The following TMEM45A variants were observed in gnomAD, a reference collection of about 807,000 sequenced individuals.
TMEM45A encodes transmembrane protein 45A, also known as DNA polymerase-transactivated protein 4.
In TMEM45A, 25 loss-of-function variants were observed where a neutral mutation model predicts 32.0. The observed-to-expected ratio is 0.78, with a 90% CI of 0.57 to 1.09. The LOEUF (loss-of-function observed/expected upper bound fraction) is 1.09. Among genes scored for constraint, TMEM45A ranks in the 50% least tolerant of loss-of-function variants. The probability of loss-of-function intolerance (pLI) is 0.00; values close to 1 mark genes in which losing one functional copy is unlikely to be tolerated. For synonymous variants in TMEM45A, 122 were observed against 114.8 expected, an observed-to-expected ratio of 1.06 and a Z score of -0.40; for missense variants, 302 against 325.0, an observed-to-expected ratio of 0.93 and a Z score of 0.54.
intron 1 of TMEM45A, among the ~76,000 whole-genome samples, chr3:100,551,829 GGAGTTGTATA>G (rs1304044735): frequency 2.6e-5 from 4 of 152,190 alleles, no homozygotes; most frequent in African/African-American, 9.7e-5. Context: ...TGAAGACACA[GGAGTTGTATA>G]ACTGAAGTAG....
intron 5 of TMEM45A, among the ~76,000 whole-genome samples, chr3:100,569,609 A>C (rs1053466206): frequency 1.3e-5 from 2 of 152,154 alleles, no homozygotes; most frequent in African/African-American, 4.8e-5. Context: ...TTGTTTGTAA[A>C]ATGGGGAAAT....
At chr3:100,575,425 T>A (rs1706663496) in intron 5 of TMEM45A, among the ~76,000 whole-genome samples, 1 of 132,638 alleles carries the variant, frequency 7.5e-6, no homozygotes, top group Non-Finnish European at 1.5e-5. Flanking sequence ...CAGGCTGGAG[T>A]GCAGTGGCGT....
intron 1 of TMEM45A, among the ~76,000 whole-genome samples, chr3:100,538,569 T>C (rs1475138345): frequency 1.3e-5 from 2 of 152,120 alleles, no homozygotes; most frequent in Non-Finnish European, 2.9e-5. Flanking sequence ...AATGCAGTAA[T>C]ATGATAAAAG....
In TMEM45A at chr3:100,500,544, T is replaced by G. The variant is rs138414280; in HGVS notation, c.-4+7616T>G. ...TCTGTGAGCCATCAGATTGACTGTT[T>G]CCAGTCTCGTCTGACTTTCAATGTC... On this transcript the variant is annotated intron_variant, in intron 1 of 5. Transcript: ENST00000323523. Among the ~76,000 whole-genome samples, 18 of 152,328 alleles carry G rather than the reference T, an allele frequency of 1.2e-4. No homozygotes were observed. In the East Asian group the frequency reaches 3.5e-3, roughly 29 times the overall value.
At position 100,577,065 on chromosome 3, in the gene TMEM45A, A is replaced by ATTGTCG; in HGVS notation, c.*51_*52insCGTTGT. The ATTGTCG allele has an allele frequency of 6.7e-7, 1 of 1,481,548 alleles. No individual in the cohort carries two copies. 91.8% of individuals were successfully genotyped at this position (1,481,548 alleles called of 1,614,324 possible). ...TCTAGATAAACCTTTTCTTTTTTACATTGTTCTTGGTTTTGTTTCTCGATC... is the reference window on the plus strand; with the variant it reads ...TCTAGATAAACCTTTTCTTTTTTACATTGTCGTTGTTCTTGGTTTTGTTTCTCGATC... On this transcript the variant is annotated 3_prime_UTR_variant, in exon 6 of 6. Coordinates refer to ENST00000323523, the MANE Select transcript of TMEM45A (RefSeq NM_018004.3).
rs768800338 is a variant in TMEM45A, at chr3:100,550,195, T to TAAAA, written c.-3-5005_-3-5002dup. ...ATGTACCCTAAAACTTAAAGCATAA[T>TAAAA]AAAAAAAAAAAAGAAAAAAAAATAA... On this transcript the variant is annotated intron_variant, in intron 1 of 5. Transcript: ENST00000323523. 4.9e-3 allele frequency among the ~76,000 whole-genome samples: 658 copies of TAAAA among 133,380 alleles called. 5 individuals are homozygous for TAAAA. Among genetic ancestry groups the TAAAA allele is most frequent in the African/African-American group, 0.017 (633 of 37,266 alleles). The allele number at this position is 133,380 out of a possible 152,430, so 87.5% of individuals were successfully genotyped here. A position where few individuals can be genotyped will look rare whatever the true frequency, so the allele number is the denominator to read the frequency against.
chr3:100,569,453 A>G (rs1392798107), intron 5 of TMEM45A, among the ~76,000 whole-genome samples: 1 of 152,198 alleles, frequency 6.6e-6, no homozygotes, highest in African/African-American at 2.4e-5. Flanking sequence ...AGTTGAATAC[A>G]TTTTTTATAA....
At chr3:100,566,661 T>C (rs1351954510) in intron 4 of TMEM45A, among the ~76,000 whole-genome samples, 1 of 152,132 alleles carries the variant, frequency 6.6e-6, no homozygotes, top group Admixed American at 6.5e-5. Flanking sequence ...CTCACCAATA[T>C]TTGTTATTTT....
At chr3:100,545,958 C>A (rs573089017) in intron 1 of TMEM45A, among the ~76,000 whole-genome samples, 1 of 152,288 alleles carries the variant, frequency 6.6e-6, no homozygotes, top group Admixed American at 6.5e-5. Flanking sequence ...AAGAGATTAT[C>A]CTGGATTATT....
intron 4 of TMEM45A, among the ~76,000 whole-genome samples, chr3:100,561,417 G>C (rs1395799895): frequency 6.6e-6 from 1 of 152,104 alleles, no homozygotes; most frequent in Non-Finnish European, 1.5e-5. Context: ...CGTAAGTATG[G>C]AGATGTGAAT....
intron 5 of TMEM45A, among the ~76,000 whole-genome samples, chr3:100,576,111 G>A (rs909379598): frequency 4.0e-5 from 6 of 151,860 alleles, no homozygotes; most frequent in Non-Finnish European, 5.9e-5. Flanking sequence ...TCAGGAGTTC[G>A]AGACCATCCT....
chr3:100,520,682 C>T (rs9817534), intron 1 of TMEM45A, among the ~76,000 whole-genome samples: 2,177 of 152,238 alleles, frequency 0.014, 47 homozygotes, highest in African/African-American at 0.05. Context: ...CTAGTCTTTT[C>T]CCTGCTTTCT....
At chr3:100,522,471 C>T (rs1705454909) in intron 1 of TMEM45A, among the ~76,000 whole-genome samples, 1 of 152,216 alleles carries the variant, frequency 6.6e-6, no homozygotes. Context: ...CTCGGACTCA[C>T]ATTTGAGAGA....
chr3:100,565,499 G>A (rs1706412699), intron 4 of TMEM45A, among the ~76,000 whole-genome samples: 1 of 151,772 alleles, frequency 6.6e-6, no homozygotes, highest in Non-Finnish European at 1.5e-5. Context: ...TCATTTATTA[G>A]ACGTGTAATC....
At chr3:100,497,969 T>G (rs1707954483) in intron 1 of TMEM45A, among the ~76,000 whole-genome samples, 1 of 152,214 alleles carries the variant, frequency 6.6e-6, no homozygotes, top group Non-Finnish European at 1.5e-5. Context: ...CACCCAAACC[T>G]CATCTTAAAT....
At chr3:100,536,521 T>C (rs577268681) in intron 1 of TMEM45A, among the ~76,000 whole-genome samples, 1 of 152,350 alleles carries the variant, frequency 6.6e-6, no homozygotes, top group East Asian at 1.9e-4. Flanking sequence ...ATATCATAGT[T>C]GTTTAATAAA....
At chr3:100,565,164 G>A (rs914075523) in intron 4 of TMEM45A, among the ~76,000 whole-genome samples, 5 of 152,144 alleles carry the variant, frequency 3.3e-5, no homozygotes, top group Non-Finnish European at 5.9e-5. Context: ...CTTTTCCTAC[G>A]ACATACGAGG....
chr3:100,501,451 C>T (rs1316992663), intron 1 of TMEM45A, among the ~76,000 whole-genome samples: 4 of 152,186 alleles, frequency 2.6e-5, no homozygotes, highest in African/African-American at 7.2e-5. Context: ...AAGTTCCAAA[C>T]CCTCACAGGT....
intron 1 of TMEM45A, among the ~76,000 whole-genome samples, chr3:100,514,492 C>G (rs1024101511): frequency 6.6e-6 from 1 of 151,962 alleles, no homozygotes; most frequent in Non-Finnish European, 1.5e-5. Context: ...GGATTAAAGA[C>G]TTAAACATTA....
Sources: gnomAD v4.1 joint callset for allele counts (sites outside exome capture counted in the v4.1 genomes callset) on GRCh38, gnomAD v4.1.1 for gene constraint, MANE v1.5 for transcripts, NCBI Gene and HGNC (gene_info 2026-07-23, HGNC 2026-07-21) for gene names.